The following TDRD9 variants were observed in gnomAD, a reference collection of about 807,000 sequenced individuals.
TDRD9 encodes ATP-dependent RNA helicase TDRD9.
In TDRD9, 124 loss-of-function variants were observed where a neutral mutation model predicts 172.6. That is an observed-to-expected ratio of 0.72 (90% CI 0.62 to 0.83). The LOEUF (loss-of-function observed/expected upper bound fraction) is 0.83. Among genes scored for constraint, TDRD9 ranks in the 40% least tolerant of loss-of-function variants. The pLI is 0.00. For missense variants in TDRD9, 1,479 were observed against 1,714.1 expected (o/e 0.86, Z 2.42); for synonymous variants, 619 against 617.1 (o/e 1.00, Z -0.05).
In TDRD9 at chr14:104,039,019, A is replaced by C. The variant is rs1298059665; in HGVS notation, c.3717-1177A>C. Among the ~76,000 whole-genome samples the C allele has an allele frequency of 2.0e-5, 3 of 152,174 alleles. No homozygotes were observed. In the East Asian group the frequency reaches 5.8e-4, roughly 29 times the overall value. On this transcript the variant is annotated intron_variant, in intron 32 of 35. Transcript: ENST00000409874. ...ATAAAGACATACCCGAGACTGGGTA[A>C]ATTATAAAGGAAAGAGGTTTAATTG...
At chr14:103,933,755 A>T (rs1200823698) in intron 1 of TDRD9, among the ~76,000 whole-genome samples, 2 of 152,138 alleles carry the variant, frequency 1.3e-5, no homozygotes, top group Non-Finnish European at 2.9e-5. Flanking sequence ...CTGAAGTTGA[A>T]TGCCTGCTGT....
chr14:103,987,132 A>G (rs200735321), intron 8 of TDRD9, among the ~76,000 whole-genome samples: 45,654 of 140,686 alleles, frequency 0.32, 7,054 homozygotes, highest in East Asian at 0.4. Context: ...ATACACACAC[A>G]CACACACACA....
At chr14:103,965,126 C>T (rs955782001) in intron 3 of TDRD9, among the ~76,000 whole-genome samples, 1 of 151,952 alleles carries the variant, frequency 6.6e-6, no homozygotes, top group Non-Finnish European at 1.5e-5. Flanking sequence ...GCATGAGAAT[C>T]GTTTGAACTC....
In TDRD9 at chr14:103,980,683, G is replaced by A. The variant is rs1369186724; in HGVS notation, c.1011+5130G>A. Among the ~76,000 whole-genome samples, 1 of 152,100 alleles carries A rather than the reference G, an allele frequency of 6.6e-6. No individual in the cohort carries two copies. Among genetic ancestry groups the A allele is most frequent in the Non-Finnish European group, 1.5e-5 (1 of 68,018 alleles). On this transcript the variant is annotated intron_variant, in intron 7 of 35. Transcript: ENST00000409874. The surrounding 1 kb of genome is among the most constrained non-coding windows in gnomAD (Gnocchi z 4.5). ...TCTTCTCTAAACTACCCCAGGGAAA[G>A]GGAGACTCCCTTTCCCGGTCTGCTG...
In TDRD9 at chr14:104,052,166, T is replaced by G. The variant is rs1484200691; in HGVS notation, c.*84T>G. On this transcript the variant is annotated 3_prime_UTR_variant, in exon 36 of 36. Coordinates refer to ENST00000409874, the MANE Select transcript of TDRD9 (RefSeq NM_153046.3). ...GGCTCCCTCCGCAGACTGACTTTCC[T>G]CTGTGTCTGGGTGTTACAGTCTGTG... is the stretch of plus-strand genomic sequence containing the variant. 3 of 940,458 alleles carry G rather than the reference T, an allele frequency of 3.2e-6. No homozygotes were observed. The highest frequency in any genetic ancestry group is 3.3e-6 in the Non-Finnish European group (2 of 606,300). 58.3% of individuals were successfully genotyped at this position (940,458 alleles called of 1,614,324 possible). A position where few individuals can be genotyped will look rare whatever the true frequency, so the allele number is the denominator to read the frequency against.
Position 104,018,092 on chromosome 14 carries a change from T to C in TDRD9, c.2332T>C (p.Leu778=). Residue 778 remains leucine, a splice_region_variant and synonymous_variant, in exon 23 of 36, where the codon TTG becomes CTG. Coordinates refer to ENST00000409874, the MANE Select transcript of TDRD9 (RefSeq NM_153046.3). ...TCTGATTTTGTGTTATATTTTACAGTTGAAACACATTCCTCCCTATGGATT... is the reference window on the plus strand; with the variant it reads ...TCTGATTTTGTGTTATATTTTACAGCTGAAACACATTCCTCCCTATGGATT... ...AGKDPKTTVV[L]KHIPPYGFLY... 6.4e-7 allele frequency: 1 copy of C among 1,570,780 alleles called. No homozygotes were observed. Among genetic ancestry groups the C allele is most frequent in the Non-Finnish European group, 8.7e-7 (1 of 1,144,800 alleles).
At chr14:103,952,279 C>T (rs2031967800) in intron 1 of TDRD9, among the ~76,000 whole-genome samples, 1 of 110,532 alleles carries the variant, frequency 9.0e-6, no homozygotes, top group Non-Finnish European at 1.7e-5. Context: ...CTCGCTCGTT[C>T]GCCCAGGCTG....
chr14:103,988,694 CTTTT>C (rs34511631), intron 8 of TDRD9, among the ~76,000 whole-genome samples: 5 of 126,850 alleles, frequency 3.9e-5, no homozygotes, highest in Non-Finnish European at 3.4e-5. Flanking sequence ...TAGCATTTTA[CTTTT>C]TTTTTTTTTT....
In TDRD9 at chr14:103,992,924, C is replaced by CAA. The variant is rs35212615; in HGVS notation, c.1181-1388_1181-1387dup. Among the ~76,000 whole-genome samples, 139 of 58,764 alleles carry CAA rather than the reference C, an allele frequency of 2.4e-3. 8 individuals are homozygous for CAA. Among genetic ancestry groups the CAA allele is most frequent in the East Asian group, 5.5e-3 (10 of 1,806 alleles). The allele number at this position is 58,764 out of a possible 152,430, so 38.6% of individuals were successfully genotyped here. A position where few individuals can be genotyped will look rare whatever the true frequency, so the allele number is the denominator to read the frequency against. On this transcript the variant is annotated intron_variant, in intron 9 of 35. Coordinates refer to ENST00000409874, the MANE Select transcript of TDRD9 (RefSeq NM_153046.3). ...TGGGAGAAAGAGCGAGACTCCATCT[C>CAA]AAAAAAAAAAAAAAAAAAAAAGAAT...
chr14:103,963,364 C>G (rs570156724), intron 3 of TDRD9, among the ~76,000 whole-genome samples, 188 bp downstream of exon 3: 26 of 152,306 alleles, frequency 1.7e-4, no homozygotes, highest in African/African-American at 5.5e-4. Context: ...GTAACCATAT[C>G]GATGGCTTTT....
intron 3 of TDRD9, 68 bp from the exon 4 acceptor site, chr14:103,965,262 ACTT>A: frequency 7.4e-7 from 1 of 1,356,598 alleles, no homozygotes; most frequent in African/African-American, 1.5e-5. Context: ...ATCCTGAAAG[ACTT>A]CTTAATATAG....
intron 7 of TDRD9, among the ~76,000 whole-genome samples, chr14:103,976,337 G>A (rs559305459): frequency 8.0e-5 from 12 of 149,634 alleles, no homozygotes; most frequent in South Asian, 2.1e-4. Context: ...GCAGTGGCGC[G>A]ATCTCAGCTC....
Position 104,024,676 on chromosome 14 carries a change from C to A in TDRD9, c.2714C>A (p.Thr905Lys). Residue 905 changes from threonine to lysine, a missense_variant, in exon 25 of 36, where the codon ACA (threonine) becomes AAA (lysine). Physicochemically the swap from Thr to Lys is moderately conservative, Grantham distance 78. This residue lies in a region of TDRD9 where 1,413 missense variants were observed against 1,649.1 expected (regional missense o/e 0.86). Transcript: ENST00000409874. ...GATCTCCTTCTAACTATTGATGTCA[C>A]AGAGGTAAGGATGAAGTAATTGAGC... ...VTDLLLTIDV[T>K]EVVEVGHFWG... is the part of the protein sequence containing the mutation. 6.3e-7 allele frequency: 1 copy of A among 1,582,688 alleles called. No individual in the cohort carries two copies. The highest frequency in any genetic ancestry group is 8.7e-7 in the Non-Finnish European group (1 of 1,153,382).
chr14:104,033,234 C>T (rs2035340326), intron 30 of TDRD9, among the ~76,000 whole-genome samples: 1 of 152,158 alleles, frequency 6.6e-6, no homozygotes, highest in Non-Finnish European at 1.5e-5. Context: ...GCCCAGGTCC[C>T]CTAGGGCCTT....
At position 103,970,501 on chromosome 14, in the gene TDRD9, C is replaced by T. The variant is rs374826585; in HGVS notation, c.766-40C>T. The T allele has an allele frequency of 1.5e-4, 218 of 1,465,142 alleles. 1 individual carries two copies. In the African/African-American group the frequency reaches 2.7e-3, roughly 18 times the overall value. 90.8% of individuals were successfully genotyped at this position (1,465,142 alleles called of 1,614,324 possible). A position where few individuals can be genotyped will look rare whatever the true frequency, so the allele number is the denominator to read the frequency against. ...CTGTCAGCAGTGTCATGTGTGTTGC[C>T]TGATGCCATGTGGGGGGTGCCCCCT... is the stretch of plus-strand genomic sequence containing the variant. On this transcript the variant is annotated intron_variant, in intron 5 of 35. Coordinates refer to ENST00000409874, the MANE Select transcript of TDRD9 (RefSeq NM_153046.3).
chr14:104,017,653 C>A (rs1027549815), intron 22 of TDRD9, among the ~76,000 whole-genome samples: 3 of 152,184 alleles, frequency 2.0e-5, no homozygotes, highest in African/African-American at 7.2e-5. Flanking sequence ...AAAGTCACTG[C>A]CAATTTGATC....
chr14:104,015,168 G>T (rs908207529), intron 21 of TDRD9, among the ~76,000 whole-genome samples: 1 of 152,060 alleles, frequency 6.6e-6, no homozygotes, highest in African/African-American at 2.4e-5. Context: ...TTTTGTTTTA[G>T]CTTTTAAGAA....
At chr14:104,032,200 C>T in intron 30 of TDRD9, 113 bp downstream of exon 30, 3 of 623,612 alleles carry the variant, frequency 4.8e-6, no homozygotes. Flanking sequence ...GTTATCTTTT[C>T]TTTTCTTTTC....
intron 1 of TDRD9, among the ~76,000 whole-genome samples, chr14:103,944,477 T>G (rs1156408008): frequency 1.3e-5 from 2 of 152,152 alleles, no homozygotes; most frequent in East Asian, 3.8e-4. Flanking sequence ...GCCCTTCTTT[T>G]CCTTTGAACT....
Sources: gnomAD v4.1 joint callset for allele counts (sites outside exome capture counted in the v4.1 genomes callset) on GRCh38, gnomAD v4.1.1 for gene constraint, gnomAD v4.1.1 regional missense constraint, Gnocchi (gnomAD v3.1) non-coding constraint, MANE v1.5 for transcripts, NCBI Gene and HGNC (gene_info 2026-07-23, HGNC 2026-07-21) for gene names.